RRAS2: variants seen among roughly 807,000 people sequenced by gnomAD.
RRAS2 encodes RAS related 2.
RRAS2 carries 7 observed loss-of-function variants against 27.6 expected under a neutral mutation model. The observed-to-expected ratio is 0.25, with a 90% CI of 0.14 to 0.48. The LOEUF (loss-of-function observed/expected upper bound fraction) is 0.48. Ranked by LOEUF, RRAS2 falls within the 20% of genes least tolerant of loss-of-function variation. The pLI, the probability that RRAS2 is intolerant of heterozygous loss-of-function variation, is 0.99. For synonymous variants in RRAS2, 86 were observed against 90.9 expected, an observed-to-expected ratio of 0.95 and a Z score of 0.31; for missense variants, 178 against 256.2, an observed-to-expected ratio of 0.69 and a Z score of 2.08.
At chr11:14,329,071 A>G (rs1554951592) in intron 1 of RRAS2, among the ~76,000 whole-genome samples, 1 of 55,546 alleles carries the variant, frequency 1.8e-5, no homozygotes, top group African/African-American at 4.3e-5. Context: ...ATATACATAC[A>G]CACACACACA....
At chr11:14,293,124 AATATATAT>A (rs781860601) in intron 4 of RRAS2, among the ~76,000 whole-genome samples, 10,026 of 76,782 alleles carry the variant, frequency 0.13, 822 homozygotes, top group Middle Eastern at 0.25. Flanking sequence ...AAACAAAACA[AATATATAT>A]ATATATATAT....
At chr11:14,280,876 C>G (rs570738418) in intron 5 of RRAS2, among the ~76,000 whole-genome samples, 1 of 152,154 alleles carries the variant, frequency 6.6e-6, no homozygotes, top group Admixed American at 6.5e-5. Context: ...AAATCCTACT[C>G]ACTAAAGCAA....
intron 1 of RRAS2, among the ~76,000 whole-genome samples, chr11:14,344,970 G>A (rs1386299763): frequency 7.3e-6 from 1 of 137,650 alleles, no homozygotes; most frequent in Non-Finnish European, 1.6e-5. Flanking sequence ...TATTTCCTGT[G>A]CCCTACTCAA....
At chr11:14,356,538 C>T (rs1281051952) in intron 1 of RRAS2, 10 of 257,402 alleles carry the variant, frequency 3.9e-5, no homozygotes, top group Non-Finnish European at 6.0e-5. Flanking sequence ...ATTTTACTGG[C>T]GAGAAAACTG....
At position 14,358,697 on chromosome 11, in the gene RRAS2, G is replaced by A. The variant is rs1301255591; in HGVS notation, c.108+66C>T. On this transcript the variant is annotated intron_variant, in intron 1 of 5. Coordinates refer to ENST00000256196, the MANE Select transcript of RRAS2 (RefSeq NM_012250.6). This position sits in a 1 kb window ranked among gnomAD's most constrained non-coding sequence, Gnocchi z 5.1. ...GGGGCGAGGTCGCGGCGGCCGCCCCGCCACAGGTAGCGCCAGCCCCCGCCC... is the reference window on the plus strand; with the variant it reads ...GGGGCGAGGTCGCGGCGGCCGCCCCACCACAGGTAGCGCCAGCCCCCGCCC... 9 of 1,086,614 alleles carry A rather than the reference G, an allele frequency of 8.3e-6. No homozygotes were observed. The highest frequency in any genetic ancestry group is 8.9e-6 in the Non-Finnish European group (8 of 895,296). The allele number at this position is 1,086,614 out of a possible 1,614,324, so 67.3% of individuals were successfully genotyped here.
chr11:14,279,366 T>C lies in RRAS2; in HGVS notation c.586A>G (p.Lys196Glu). 6.2e-7 allele frequency: 1 copy of C among 1,612,712 alleles called. No individual in the cohort carries two copies. Among genetic ancestry groups the C allele is most frequent in the Non-Finnish European group, 8.5e-7 (1 of 1,178,808 alleles). Residue 196 changes from lysine (K) to glutamate (E), a missense_variant, in exon 6 of 6, where the codon AAG (lysine) becomes GAG (glutamate). Lys to Glu is a moderately conservative substitution (Grantham distance 56). Transcript: ENST00000256196. ...SPEPTRKEKD[K>E]KGCHCVIF ...AAAATGACACAATGGCAGCCTTTCT[T>C]GTCTTTTTCTTTCCGTGTTGGTTCT...
intron 4 of RRAS2, among the ~76,000 whole-genome samples, chr11:14,283,025 A>G (rs1181299590): frequency 6.6e-6 from 1 of 152,196 alleles, no homozygotes; most frequent in Non-Finnish European, 1.5e-5. Flanking sequence ...CTAGTTTTTC[A>G]ACATTAAGTG....
chr11:14,329,936 G>A (rs994840082), intron 1 of RRAS2, among the ~76,000 whole-genome samples: 4 of 151,990 alleles, frequency 2.6e-5, no homozygotes, highest in South Asian at 4.1e-4. Flanking sequence ...TTAGCCAGGC[G>A]TGGTGACACA....
intron 1 of RRAS2, among the ~76,000 whole-genome samples, chr11:14,350,980 A>G (rs1848938371): frequency 6.6e-6 from 1 of 152,214 alleles, no homozygotes; most frequent in South Asian, 2.1e-4. Context: ...GAAATGCTGC[A>G]ACCTTGTACA....
intron 5 of RRAS2, among the ~76,000 whole-genome samples, chr11:14,280,725 C>CAAA (rs1849505096): frequency 3.3e-5 from 1 of 30,726 alleles, no homozygotes; most frequent in Non-Finnish European, 5.0e-5. Flanking sequence ...AACTCTGTTT[C>CAAA]CAAAAAAAAA....
chr11:14,314,103 G>A (rs1848039131), intron 1 of RRAS2, among the ~76,000 whole-genome samples: 1 of 152,178 alleles, frequency 6.6e-6, no homozygotes, highest in Admixed American at 6.5e-5. Flanking sequence ...ACTTTAAAAT[G>A]TGAAACTAGA....
Position 14,358,388 on chromosome 11 carries a change from G to T in RRAS2, c.108+375C>A, listed in dbSNP as rs915992598. On this transcript the variant is annotated intron_variant, in intron 1 of 5. Coordinates refer to ENST00000256196, the MANE Select transcript of RRAS2 (RefSeq NM_012250.6). The surrounding 1 kb of genome is among the most constrained non-coding windows in gnomAD (Gnocchi z 5.1). ...AGGCGGCTGGAAAAGCAGCGCGCGG[G>T]GCTCCAGCTCCAGCCCCACGCCCGG... is the stretch of plus-strand genomic sequence containing the variant. 17 of 985,362 alleles carry T rather than the reference G, an allele frequency of 1.7e-5. No individual in the cohort carries two copies. The African/African-American group carries it at 3.0e-4, about 17-fold the overall frequency. The allele number at this position is 985,362 out of a possible 1,614,324, so 61.0% of individuals were successfully genotyped here.
chr11:14,317,877 G>A (rs532475305), intron 1 of RRAS2, among the ~76,000 whole-genome samples: 2 of 152,286 alleles, frequency 1.3e-5, no homozygotes, highest in African/African-American at 4.8e-5. Flanking sequence ...GCTGAGGTGA[G>A]CTACGATTGC....
chr11:14,303,377 T>C (rs1847759755), intron 1 of RRAS2, among the ~76,000 whole-genome samples: 1 of 152,166 alleles, frequency 6.6e-6, no homozygotes, highest in Non-Finnish European at 1.5e-5. Flanking sequence ...TGTGGGAAAG[T>C]TTTTCCTTGT....
intron 1 of RRAS2, among the ~76,000 whole-genome samples, chr11:14,333,458 AAAG>A (rs1169073832): frequency 1.3e-5 from 2 of 152,238 alleles, no homozygotes; most frequent in East Asian, 3.8e-4. Context: ...CATGTTCAAT[AAAG>A]AAAATCCAGA....
chr11:14,303,308 C>T (rs924058731), intron 1 of RRAS2, among the ~76,000 whole-genome samples: 3 of 152,184 alleles, frequency 2.0e-5, no homozygotes, highest in Admixed American at 6.5e-5. Flanking sequence ...GTATGAATAA[C>T]TGATATACTG....
chr11:14,288,968 C>T (rs1157220556), intron 4 of RRAS2, among the ~76,000 whole-genome samples: 1 of 152,202 alleles, frequency 6.6e-6, no homozygotes, highest in Admixed American at 6.5e-5. Flanking sequence ...TTAGTGCATA[C>T]CTCTGTTCTA....
intron 1 of RRAS2, among the ~76,000 whole-genome samples, chr11:14,301,718 C>G (rs1326459395): frequency 1.3e-5 from 2 of 152,196 alleles, no homozygotes; most frequent in African/African-American, 4.8e-5. Flanking sequence ...GTGGCTCAGG[C>G]CTATAATCCC....
intron 4 of RRAS2, among the ~76,000 whole-genome samples, chr11:14,291,588 C>G (rs1424662823): frequency 1.3e-5 from 2 of 152,022 alleles, no homozygotes; most frequent in Admixed American, 1.3e-4. Context: ...TTACTGCAAG[C>G]TAACACTACG....
Sources: allele counts gnomAD v4.1 joint callset (sites outside exome capture counted in the v4.1 genomes callset), GRCh38; gene constraint gnomAD v4.1.1; non-coding constraint Gnocchi (gnomAD v3.1); transcripts MANE v1.5; gene names NCBI Gene and HGNC (gene_info 2026-07-23, HGNC 2026-07-21).